Variants in CELF2 observed in about 807,000 individuals in gnomAD.
CELF2 encodes the protein CUG triplet repeat RNA-binding protein 2.
Under a neutral mutation model 62.6 loss-of-function variants are expected in CELF2, and 8 were observed. The ratio of observed to expected loss-of-function variants is 0.13; its 90% CI spans 0.07 to 0.23. The LOEUF (loss-of-function observed/expected upper bound fraction) is 0.23, where lower values mean the gene tolerates loss of function less well. CELF2 is among the 10% of genes least tolerant of loss of function. The pLI, the probability that CELF2 is intolerant of heterozygous loss-of-function variation, is 1.00. For missense variants in CELF2, 333 were observed against 671.0 expected, an observed-to-expected ratio of 0.50 and a Z score of 5.56; for synonymous variants, 258 against 250.0, an observed-to-expected ratio of 1.03 and a Z score of -0.30.
At chr10:10,697,761 C>A in the CELF2 span, among the ~76,000 whole-genome samples, 1 of 152,154 alleles carries the variant, frequency 6.6e-6, no homozygotes, top group Non-Finnish European at 1.5e-5. Context: ...CGCACCCCCC[C>A]AATACCATCA....
chr10:10,948,765 G>A (rs1027210848), intron 2 of CELF2, among the ~76,000 whole-genome samples: 7 of 152,002 alleles, frequency 4.6e-5, no homozygotes, highest in East Asian at 1.9e-4. Flanking sequence ...CCTCTTGCAC[G>A]GTGGCTATCA....
intron 2 of CELF2, among the ~76,000 whole-genome samples, chr10:10,944,493 A>G (rs1451211908): frequency 6.6e-6 from 1 of 152,192 alleles, no homozygotes; most frequent in Non-Finnish European, 1.5e-5. Flanking sequence ...CTGAGCAAAT[A>G]TAGGAACTTC....
rs2094933941 is a variant in CELF2 at position 11,315,852 on chromosome 10, C to T, written c.1096+1594C>T. On this transcript the variant is annotated intron_variant, in intron 10 of 12. Coordinates refer to ENST00000633077, the MANE Select transcript of CELF2 (RefSeq NM_001326342.2). The surrounding 1 kb of genome is among the most constrained non-coding windows in gnomAD (Gnocchi z 5.8). Reference sequence around the variant, plus strand: ...TAGGTCGAGGACGCGTGTGCTCGCACACATCCCCTCATGCTGCTTCTCTTG... The same window carrying T: ...TAGGTCGAGGACGCGTGTGCTCGCATACATCCCCTCATGCTGCTTCTCTTG... Among the ~76,000 whole-genome samples, 2 of 152,254 alleles carry T rather than the reference C, an allele frequency of 1.3e-5. No homozygotes were observed. Among genetic ancestry groups the T allele is most frequent in the South Asian group, 4.1e-4 (2 of 4,834 alleles).
At chr10:10,624,578 C>T in the CELF2 span, among the ~76,000 whole-genome samples, 1 of 152,168 alleles carries the variant, frequency 6.6e-6, no homozygotes, top group African/African-American at 2.4e-5. Flanking sequence ...AGTGCTGCAT[C>T]ATTACAGGCA....
chr10:10,465,814 A>G, the CELF2 span, among the ~76,000 whole-genome samples: 1 of 152,142 alleles, frequency 6.6e-6, no homozygotes, highest in Non-Finnish European at 1.5e-5. Flanking sequence ...TTTAAACAAA[A>G]TACAAGACAA....
At chr10:11,029,859 G>C (rs562724959) in intron 1 of CELF2, among the ~76,000 whole-genome samples, 18 of 152,322 alleles carry the variant, frequency 1.2e-4, no homozygotes, top group African/African-American at 3.6e-4. Context: ...TTTCAGTTGG[G>C]CCAACAGTTT....
intron 2 of CELF2, among the ~76,000 whole-genome samples, chr10:11,176,144 T>C (rs1596658808): frequency 1.3e-5 from 2 of 152,248 alleles, no homozygotes; most frequent in South Asian, 4.2e-4. Flanking sequence ...TCTGACGTTT[T>C]TTCCTTTCGG....
intron 6 of CELF2, 151 bp downstream of exon 6, chr10:11,266,828 TC>T (rs1555030772): frequency 8.3e-5 from 1 of 12,022 alleles, no homozygotes; most frequent in Non-Finnish European, 2.8e-4. Context: ...ATTCTCTCCT[TC>T]TCTCTCTCTC....
chr10:11,255,548 G>A lies in CELF2; in HGVS notation c.404-2190G>A, dbSNP rs1271179862. 6.6e-6 allele frequency among the ~76,000 whole-genome samples: 1 copy of A among 152,058 alleles called. No individual in the cohort carries two copies. The highest frequency in any genetic ancestry group is 1.5e-5 in the Non-Finnish European group (1 of 68,006). On this transcript the variant is annotated intron_variant, in intron 4 of 12. Coordinates refer to ENST00000633077, the MANE Select transcript of CELF2 (RefSeq NM_001326342.2). This position sits in a 1 kb window ranked among gnomAD's most constrained non-coding sequence, Gnocchi z 5.5. The stretch of plus-strand genomic sequence containing the variant: ...CCAGCGAGCCTTTCTCAAACACCTG[G>A]GTGCACGATTCGTAGTTTACAAGTA...
chr10:10,987,812 A>T (rs1403423527), intron 2 of CELF2, among the ~76,000 whole-genome samples: 3 of 152,206 alleles, frequency 2.0e-5, no homozygotes, highest in African/African-American at 7.2e-5. Context: ...ACATGAATAG[A>T]CAATTCTCAA....
intron 2 of CELF2, among the ~76,000 whole-genome samples, chr10:10,941,621 C>T (rs190778565): frequency 1.3e-5 from 2 of 152,280 alleles, no homozygotes; most frequent in African/African-American, 2.4e-5. Context: ...AGCAACAACT[C>T]GTCTCTTCCA....
the CELF2 span, among the ~76,000 whole-genome samples, chr10:10,694,810 T>C: frequency 2.6e-5 from 4 of 151,776 alleles, no homozygotes; most frequent in Admixed American, 6.6e-5. Context: ...TTAAAGTCTG[T>C]TTTATCAGAG....
chr10:10,912,269 C>G (rs753016885), intron 1 of CELF2, among the ~76,000 whole-genome samples: 1 of 152,212 alleles, frequency 6.6e-6, no homozygotes, highest in Non-Finnish European at 1.5e-5. Context: ...TTACTTTCTA[C>G]CCCGCTACCT....
rs376470763 is a variant in CELF2 at position 11,329,055 on chromosome 10, C to A, written c.*2C>A. Reference sequence around the variant, plus strand: ...AAAAACGACAGCAAACCTTACTGATCCTAACCCCAGAGGCTCCCTGCTCTC... The same window carrying A: ...AAAAACGACAGCAAACCTTACTGATACTAACCCCAGAGGCTCCCTGCTCTC... On this transcript the variant is annotated 3_prime_UTR_variant, in exon 13 of 13. Transcript: ENST00000633077. The surrounding 1 kb of genome is among the most constrained non-coding windows in gnomAD (Gnocchi z 5.5). The A allele has an allele frequency of 1.6e-5, 26 of 1,610,244 alleles. No individual in the cohort carries two copies. The highest frequency in any genetic ancestry group is 1.6e-4 in the Middle Eastern group (1 of 6,068).
At chr10:11,068,371 A>G (rs567947317) in intron 1 of CELF2, among the ~76,000 whole-genome samples, 2 of 152,204 alleles carry the variant, frequency 1.3e-5, no homozygotes, top group East Asian at 1.9e-4. Flanking sequence ...AAGGATGGCA[A>G]TGATGCCAAT....
chr10:11,165,960 C>T lies in CELF2; in HGVS notation c.271+278C>T, dbSNP rs2067011651. Among the ~76,000 whole-genome samples, 1 of 152,250 alleles carries T rather than the reference C, an allele frequency of 6.6e-6. No homozygotes were observed. The highest frequency in any genetic ancestry group is 2.4e-5 in the African/African-American group (1 of 41,468). ...GCGCGTGATCGCTCCCGGGAGGTCA[C>T]TTTCTAGGCAGCCCAGCCTGTGCTT... On this transcript the variant is annotated intron_variant, in intron 2 of 12. Coordinates refer to ENST00000633077, the MANE Select transcript of CELF2 (RefSeq NM_001326342.2). The surrounding 1 kb of genome is among the most constrained non-coding windows in gnomAD (Gnocchi z 7.4).
intron 1 of CELF2, among the ~76,000 whole-genome samples, chr10:11,082,146 C>G (rs968268981): frequency 7.2e-5 from 11 of 152,144 alleles, no homozygotes; most frequent in Admixed American, 1.3e-4. Flanking sequence ...CCTGTCCACG[C>G]TCACACAGGC....
rs2053844640 is a variant in CELF2 at position 10,995,336 on chromosome 10, A to G, written c.89+75337A>G. ...TTTTCTCCTGAGATGATGTCATCGA[A>G]TTAATCATATGTTCAGCCAGCCAGT... On this transcript the variant is annotated intron_variant, in intron 2 of 13. Transcript: ENST00000636488. The surrounding 1 kb of genome is among the most constrained non-coding windows in gnomAD (Gnocchi z 4.7). Among the ~76,000 whole-genome samples, 1 of 152,160 alleles carries G rather than the reference A, an allele frequency of 6.6e-6. No homozygotes were observed.
At chr10:11,042,027 T>C (rs1336093691) in intron 1 of CELF2, among the ~76,000 whole-genome samples, 1 of 152,200 alleles carries the variant, frequency 6.6e-6, no homozygotes, top group African/African-American at 2.4e-5. Context: ...TAGACTTAGA[T>C]GGATAGACTA....
Sources: allele counts gnomAD v4.1 joint callset (sites outside exome capture counted in the v4.1 genomes callset), GRCh38; gene constraint gnomAD v4.1.1; non-coding constraint Gnocchi (gnomAD v3.1); transcripts MANE v1.5; gene names NCBI Gene and HGNC (gene_info 2026-07-23, HGNC 2026-07-21).